Variants in TRIM44 observed in about 807,000 individuals in gnomAD.
TRIM44 encodes tripartite motif-containing protein 44.
Under a neutral mutation model 37.4 loss-of-function variants are expected in TRIM44, and 13 were observed. That is an observed-to-expected ratio of 0.35 (90% CI 0.23 to 0.55). TRIM44 has a LOEUF of 0.55. TRIM44 is among the 20% of genes least tolerant of loss of function. The pLI is 0.89. For missense variants in TRIM44, 426 were observed against 437.2 expected, an observed-to-expected ratio of 0.97 and a Z score of 0.23; for synonymous variants, 175 against 157.2, an observed-to-expected ratio of 1.11 and a Z score of -0.85.
At chr11:35,711,310 C>G (rs1851968373) in intron 2 of TRIM44, among the ~76,000 whole-genome samples, 1 of 152,130 alleles carries the variant, frequency 6.6e-6, no homozygotes, top group South Asian at 2.1e-4. Flanking sequence ...TTCCTTTTCT[C>G]TTCCTGACAG....
At chr11:35,802,021 T>C (rs987312749) in intron 4 of TRIM44, among the ~76,000 whole-genome samples, 1 of 152,194 alleles carries the variant, frequency 6.6e-6, no homozygotes, top group Non-Finnish European at 1.5e-5. Context: ...ATATATATTT[T>C]TGTCAAAACT....
intron 4 of TRIM44, among the ~76,000 whole-genome samples, chr11:35,782,978 A>T (rs1853085173): frequency 6.6e-6 from 1 of 152,228 alleles, no homozygotes; most frequent in Admixed American, 6.5e-5. Flanking sequence ...GAGCCAGGTG[A>T]TACCTAAAAT....
At chr11:35,788,808 A>T (rs1565028907) in intron 4 of TRIM44, among the ~76,000 whole-genome samples, 1 of 152,216 alleles carries the variant, frequency 6.6e-6, no homozygotes. Flanking sequence ...CTGTATCAGA[A>T]ATCAGACTAA....
At chr11:35,754,484 C>G (rs1406285220) in intron 4 of TRIM44, among the ~76,000 whole-genome samples, 1 of 151,976 alleles carries the variant, frequency 6.6e-6, no homozygotes, top group Non-Finnish European at 1.5e-5. Flanking sequence ...CGTCTTTGAT[C>G]CTTCAATCTT....
rs1183818737 is a variant in TRIM44 at position 35,811,372 on chromosome 11, A to AAAG, written c.*4988_*4990dup. ...CCAAATTATGTTTTCAAATAACATT[A>AAAG]AAGTTTTAGAATTTGGATGAACTAG... On this transcript the variant is annotated 3_prime_UTR_variant, in exon 5 of 5. Transcript: ENST00000299413. 1 of 152,224 alleles carries AAAG rather than the reference A, an allele frequency of 6.6e-6. No individual in the cohort carries two copies. Among genetic ancestry groups the AAAG allele is most frequent in the Non-Finnish European group, 1.5e-5 (1 of 68,034 alleles). The allele number at this position is 152,224 out of a possible 1,614,324, so 9.4% of individuals were successfully genotyped here.
intron 2 of TRIM44, among the ~76,000 whole-genome samples, chr11:35,686,963 C>G (rs1851588996): frequency 6.6e-6 from 1 of 152,158 alleles, no homozygotes; most frequent in African/African-American, 2.4e-5. Flanking sequence ...TCCTGCTCTC[C>G]CCTTAAATAC....
At chr11:35,697,294 A>G (rs1314858256) in intron 2 of TRIM44, among the ~76,000 whole-genome samples, 6 of 143,552 alleles carry the variant, frequency 4.2e-5, no homozygotes, top group African/African-American at 1.3e-4. Context: ...GTTCCCACCT[A>G]TGAGTGAGAA....
chr11:35,782,870 G>A (rs1185542834), intron 4 of TRIM44, among the ~76,000 whole-genome samples: 3 of 152,190 alleles, frequency 2.0e-5, no homozygotes, highest in African/African-American at 4.8e-5. Context: ...AGTAGTATCT[G>A]CCAAATATAT....
intron 4 of TRIM44, among the ~76,000 whole-genome samples, chr11:35,783,625 A>G (rs1326856375): frequency 6.6e-6 from 1 of 152,190 alleles, no homozygotes; most frequent in East Asian, 1.9e-4. Flanking sequence ...CCAGGCTCCC[A>G]TTACTCCAGA....
chr11:35,714,469 G>A (rs768186556), intron 2 of TRIM44, among the ~76,000 whole-genome samples: 2 of 152,046 alleles, frequency 1.3e-5, no homozygotes, highest in East Asian at 1.9e-4. Context: ...ATGCTGTACC[G>A]TTGTGACCCT....
Position 35,813,657 on chromosome 11 carries a change from T to A in TRIM44, c.*7272T>A, listed in dbSNP as rs1421892677. ...CTCAATCTTTAAGAGCCTCACTGTATCATGGGACAATATTCTATTTAAAAT... is the reference window on the plus strand; with the variant it reads ...CTCAATCTTTAAGAGCCTCACTGTAACATGGGACAATATTCTATTTAAAAT... On this transcript the variant is annotated 3_prime_UTR_variant, in exon 5 of 5. Transcript: ENST00000299413. 1 of 152,108 alleles carries A rather than the reference T, an allele frequency of 6.6e-6. No homozygotes were observed. The highest frequency in any genetic ancestry group is 2.4e-5 in the African/African-American group (1 of 41,420). The allele number at this position is 152,108 out of a possible 1,614,324, so 9.4% of individuals were successfully genotyped here.
intron 2 of TRIM44, among the ~76,000 whole-genome samples, chr11:35,724,739 A>G (rs1234496804): frequency 1.3e-5 from 2 of 152,208 alleles, no homozygotes; most frequent in African/African-American, 4.8e-5. Flanking sequence ...AAACAATAAT[A>G]TATTTGCACC....
At chr11:35,786,116 GA>G (rs1173488575) in intron 4 of TRIM44, among the ~76,000 whole-genome samples, 16 of 152,070 alleles carry the variant, frequency 1.1e-4, no homozygotes, top group Non-Finnish European at 4.4e-5. Context: ...CTTTTAATTT[GA>G]AATAAAACAA....
chr11:35,686,362 G>GTTTTTTTT (rs201740615), intron 2 of TRIM44, among the ~76,000 whole-genome samples: 5 of 143,768 alleles, frequency 3.5e-5, no homozygotes, highest in African/African-American at 1.1e-4. Context: ...GGTTCTTTTT[G>GTTTTTTTT]TTTTTGTTTT....
At chr11:35,770,988 C>G (rs1160571959) in intron 4 of TRIM44, among the ~76,000 whole-genome samples, 1 of 152,142 alleles carries the variant, frequency 6.6e-6, no homozygotes, top group East Asian at 1.9e-4. Context: ...ATGTCTTTAT[C>G]AGCAGCGTGA....
chr11:35,805,660 T>C (rs1853437386), intron 4 of TRIM44, among the ~76,000 whole-genome samples: 1 of 152,246 alleles, frequency 6.6e-6, no homozygotes, highest in African/African-American at 2.4e-5. Flanking sequence ...CACCTCTATG[T>C]GCCCAGCCCA....
intron 4 of TRIM44, among the ~76,000 whole-genome samples, chr11:35,746,446 C>CTTTTTTTTTTTTTTT (rs5791065): frequency 4.3e-5 from 4 of 93,200 alleles, no homozygotes; most frequent in African/African-American, 8.7e-5. Context: ...GGGGGTCCTT[C>CTTTTTTTTTTTTTTT]TTTTTTTTTT....
chr11:35,693,699 G>A (rs1043790626), intron 2 of TRIM44, among the ~76,000 whole-genome samples: 8 of 152,134 alleles, frequency 5.3e-5, no homozygotes, highest in Non-Finnish European at 7.3e-5. Context: ...TTAGGTGAGT[G>A]TAACCAAAAC....
At position 35,814,035 on chromosome 11, in the gene TRIM44, C is replaced by T. The variant is rs970910504; in HGVS notation, c.*7650C>T. 3 of 152,128 alleles carry T rather than the reference C, an allele frequency of 2.0e-5. No individual in the cohort carries two copies. Among genetic ancestry groups the T allele is most frequent in the African/African-American group, 7.2e-5 (3 of 41,428 alleles). The allele number at this position is 152,128 out of a possible 1,614,324, so 9.4% of individuals were successfully genotyped here. A position where few individuals can be genotyped will look rare whatever the true frequency, so the allele number is the denominator to read the frequency against. On this transcript the variant is annotated 3_prime_UTR_variant, in exon 5 of 5. Transcript: ENST00000299413. Reference sequence around the variant, plus strand: ...GAATACAGATCAAATTCTGTTACAACAAATACTGCTACCATAAAAGTCACT... The same window carrying T: ...GAATACAGATCAAATTCTGTTACAATAAATACTGCTACCATAAAAGTCACT...
Sources: gnomAD v4.1 joint callset for allele counts (sites outside exome capture counted in the v4.1 genomes callset) on GRCh38, gnomAD v4.1.1 for gene constraint, MANE v1.5 for transcripts, NCBI Gene and HGNC (gene_info 2026-07-23, HGNC 2026-07-21) for gene names.